The following ADGRB3 variants were observed in gnomAD, a reference collection of about 807,000 sequenced individuals.
ADGRB3 encodes the protein brain-specific angiogenesis inhibitor 3.
Under a neutral mutation model 193.4 loss-of-function variants are expected in ADGRB3, and 37 were observed. The ratio of observed to expected loss-of-function variants is 0.19; its 90% CI spans 0.15 to 0.25. ADGRB3 has a LOEUF of 0.25. ADGRB3 is among the 10% of genes least tolerant of loss of function. The pLI, the probability that ADGRB3 is intolerant of heterozygous loss-of-function variation, is 1.00. For missense variants in ADGRB3, 1,637 were observed against 1,852.9 expected (o/e 0.88, Z 2.14); for synonymous variants, 690 against 644.2 (o/e 1.07, Z -1.08).
intron 26 of ADGRB3, among the ~76,000 whole-genome samples, chr6:69,344,947 G>A (rs1769053113): frequency 6.6e-6 from 1 of 152,026 alleles, no homozygotes; most frequent in Non-Finnish European, 1.5e-5. Flanking sequence ...GGGACCATAT[G>A]AAGCACATGG....
chr6:68,962,259 A>T (rs1768256936), intron 8 of ADGRB3, among the ~76,000 whole-genome samples: 1 of 152,214 alleles, frequency 6.6e-6, no homozygotes, highest in African/African-American at 2.4e-5. Flanking sequence ...CTTCTCAAAA[A>T]GGATGAGTTT....
chr6:69,274,595 TTCCCTCCCTCCCTCCC>T (rs36136728), intron 20 of ADGRB3, among the ~76,000 whole-genome samples: 1 of 92,398 alleles, frequency 1.1e-5, no homozygotes, highest in African/African-American at 4.4e-5. Flanking sequence ...TTCCTCCCTT[TTCCCTCCCTCCCTCCC>T]TCCCTCCCTC....
At chr6:69,210,972 AT>A (rs1272389129) in intron 17 of ADGRB3, among the ~76,000 whole-genome samples, 1 of 150,292 alleles carries the variant, frequency 6.7e-6, no homozygotes, top group African/African-American at 2.4e-5. Flanking sequence ...AAAAAAAAAA[AT>A]TAACCAGGCG....
chr6:68,764,967 A>G (rs1677773657), intron 3 of ADGRB3, among the ~76,000 whole-genome samples: 1 of 152,146 alleles, frequency 6.6e-6, no homozygotes, highest in Non-Finnish European at 1.5e-5. Context: ...GCCTGCTAAA[A>G]TTTTGATTTG....
At chr6:69,269,846 T>C (rs1767134610) in intron 20 of ADGRB3, among the ~76,000 whole-genome samples, 2 of 152,204 alleles carry the variant, frequency 1.3e-5, no homozygotes, top group African/African-American at 2.4e-5. Flanking sequence ...AAATTAAATA[T>C]TGTAAAAGCT....
chr6:68,772,882 C>CAAAAAA (rs763967322), intron 3 of ADGRB3, among the ~76,000 whole-genome samples: 34 of 23,898 alleles, frequency 1.4e-3, no homozygotes, highest in South Asian at 5.1e-3. Context: ...AACAAACAAA[C>CAAAAAA]AAAAAAAAAA....
At chr6:69,288,917 T>C (rs1022998861) in intron 20 of ADGRB3, among the ~76,000 whole-genome samples, 2 of 152,204 alleles carry the variant, frequency 1.3e-5, no homozygotes, top group Non-Finnish European at 2.9e-5. Flanking sequence ...GCTTCTCTTT[T>C]GTACTCCATA....
chr6:68,854,284 T>C (rs868516196), intron 3 of ADGRB3, among the ~76,000 whole-genome samples: 1 of 152,204 alleles, frequency 6.6e-6, no homozygotes, highest in Non-Finnish European at 1.5e-5. Flanking sequence ...TTGGCTTTAC[T>C]GTTAAATAGG....
chr6:69,073,071 A>G (rs1192058886), intron 16 of ADGRB3, among the ~76,000 whole-genome samples: 1 of 152,100 alleles, frequency 6.6e-6, no homozygotes, highest in Non-Finnish European at 1.5e-5. Flanking sequence ...TTTGTCCTTT[A>G]CTCAGTAAAC....
At chr6:68,648,833 T>C (rs1768279745) in intron 3 of ADGRB3, among the ~76,000 whole-genome samples, 3 of 151,620 alleles carry the variant, frequency 2.0e-5, no homozygotes, top group African/African-American at 7.3e-5. Context: ...TAAACACTAA[T>C]AATTTGTTCT....
At chr6:68,940,143 A>G (rs1767594906) in intron 5 of ADGRB3, among the ~76,000 whole-genome samples, 1 of 152,192 alleles carries the variant, frequency 6.6e-6, no homozygotes, top group Non-Finnish European at 1.5e-5. Flanking sequence ...ACTCTCTTCA[A>G]AAGCCTTTAT....
At chr6:69,084,462 G>A (rs910955573) in intron 17 of ADGRB3, among the ~76,000 whole-genome samples, 1 of 151,978 alleles carries the variant, frequency 6.6e-6, no homozygotes, top group Admixed American at 6.6e-5. Context: ...TTGTTCATAG[G>A]TATTTCTAAA....
chr6:68,768,768 G>A (rs979079195), intron 3 of ADGRB3, among the ~76,000 whole-genome samples: 1 of 151,926 alleles, frequency 6.6e-6, no homozygotes, highest in Non-Finnish European at 1.5e-5. Context: ...TACAGAATGG[G>A]AGAAAGTTTT....
chr6:68,820,037 A>G (rs1767719893), intron 3 of ADGRB3, among the ~76,000 whole-genome samples: 1 of 151,842 alleles, frequency 6.6e-6, no homozygotes, highest in South Asian at 2.1e-4. Flanking sequence ...TACTGATTGT[A>G]TTTTTTCCTC....
chr6:69,388,541 A>G (rs1247277454), intron 31 of ADGRB3, among the ~76,000 whole-genome samples, 162 bp from the exon 32 acceptor site: 2 of 152,178 alleles, frequency 1.3e-5, no homozygotes, highest in African/African-American at 4.8e-5. Context: ...ATGAAATAAA[A>G]CTAAAATCAA....
chr6:69,355,065 A>G (rs533190476), intron 27 of ADGRB3, among the ~76,000 whole-genome samples: 20 of 152,340 alleles, frequency 1.3e-4, no homozygotes, highest in African/African-American at 4.8e-4. Flanking sequence ...CTAAGACTTT[A>G]CAAAGAATAA....
chr6:68,972,821 G>A (rs1768625934), intron 8 of ADGRB3, among the ~76,000 whole-genome samples: 1 of 152,190 alleles, frequency 6.6e-6, no homozygotes, highest in Non-Finnish European at 1.5e-5. Flanking sequence ...TGCTCTGAGG[G>A]GTTGGTGGAG....
At chr6:68,785,949 T>C (rs1766958914) in intron 3 of ADGRB3, among the ~76,000 whole-genome samples, 2 of 152,200 alleles carry the variant, frequency 1.3e-5, no homozygotes, top group African/African-American at 2.4e-5. Flanking sequence ...GCTGCATAAA[T>C]GTCTTCTTTT....
intron 3 of ADGRB3, among the ~76,000 whole-genome samples, chr6:68,846,656 A>C (rs958069115): frequency 7.9e-5 from 12 of 152,224 alleles, no homozygotes; most frequent in African/African-American, 2.9e-4. Context: ...GGGGCACAGA[A>C]GTCAAGAATT....
Sources: gnomAD v4.1 joint callset for allele counts (sites outside exome capture counted in the v4.1 genomes callset) on GRCh38, gnomAD v4.1.1 for gene constraint, MANE v1.5 for transcripts, NCBI Gene and HGNC (gene_info 2026-07-23, HGNC 2026-07-21) for gene names.